Variants in AEBP1 observed in about 807,000 individuals in gnomAD.
AEBP1 encodes the protein AE binding protein 1, also known as adipocyte enhancer-binding protein 1.
A neutral mutation model predicts 116.5 loss-of-function variants in AEBP1; 69 were observed. The ratio of observed to expected loss-of-function variants is 0.59; its 90% CI spans 0.49 to 0.72. AEBP1 has a LOEUF of 0.72. Among genes scored for constraint, AEBP1 ranks in the 30% least tolerant of loss-of-function variants. AEBP1 has a pLI of 0.00. For missense variants in AEBP1, 1,444 were observed against 1,557.5 expected, an observed-to-expected ratio of 0.93 and a Z score of 1.23; for synonymous variants, 627 against 627.3, an observed-to-expected ratio of 1.00 and a Z score of 0.01.
chr7:44,114,406 G>A lies in AEBP1; in HGVS notation c.*145G>A. 1 of 919,102 alleles carries A rather than the reference G, an allele frequency of 1.1e-6. No individual in the cohort carries two copies. The highest frequency in any genetic ancestry group is 1.6e-6 in the Non-Finnish European group (1 of 614,254). The allele number at this position is 919,102 out of a possible 1,614,324, so 56.9% of individuals were successfully genotyped here. On this transcript the variant is annotated 3_prime_UTR_variant, in exon 21 of 21. Coordinates refer to ENST00000223357, the MANE Select transcript of AEBP1 (RefSeq NM_001129.5). ...AAGGAAGGGCTGGTCCTGCCCCTTT[G>A]AGGGGGTGCAAACATGACTGGGACC... is the stretch of plus-strand genomic sequence containing the variant.
chr7:44,111,289 C>T lies in AEBP1; in HGVS notation c.1716+50C>T, dbSNP rs201743601. On this transcript the variant is annotated intron_variant, in intron 14 of 20. Coordinates refer to ENST00000223357, the MANE Select transcript of AEBP1 (RefSeq NM_001129.5). This position sits in a 1 kb window ranked among gnomAD's most constrained non-coding sequence, Gnocchi z 4.7. ...GGGGGTGGGACCTGTCTGTGGCTGA[C>T]GGGAGTGTGTGCCTGGTGCTTCTGT... The T allele has an allele frequency of 1.2e-5, 18 of 1,477,352 alleles. No individual in the cohort carries two copies. Among genetic ancestry groups the T allele is most frequent in the East Asian group, 7.1e-5 (3 of 42,302 alleles). 91.5% of individuals were successfully genotyped at this position (1,477,352 alleles called of 1,614,324 possible).
At position 44,112,669 on chromosome 7, in the gene AEBP1, C is replaced by T. The variant is rs779817458; in HGVS notation, c.2329C>T (p.Arg777Cys). The T allele has an allele frequency of 1.2e-6, 2 of 1,613,074 alleles. No individual in the cohort carries two copies. Among genetic ancestry groups the T allele is most frequent in the South Asian group, 1.1e-5 (1 of 91,084 alleles). Residue 777 changes from arginine (R) to cysteine (C), a missense_variant, in exon 18 of 21, where the codon CGC becomes TGC. Arg to Cys is a radical substitution (Grantham distance 180, BLOSUM62 -3). Coordinates refer to ENST00000223357, the MANE Select transcript of AEBP1 (RefSeq NM_001129.5). This position sits in a 1 kb window ranked among gnomAD's most constrained non-coding sequence, Gnocchi z 6.6. The part of the protein sequence containing the change: ...RLVSYPYDMA[R>C]TPTQEQLLAA... ...AGTATCCTACCCCTACGATATGGCC[C>T]GCACGCCTACCCAGGAGCAGCTGCT... is the stretch of plus-strand genomic sequence containing the variant.
chr7:44,111,178 A>C lies in AEBP1; in HGVS notation c.1655A>C (p.Asn552Thr). 1 of 1,522,784 alleles carries C rather than the reference A, an allele frequency of 6.6e-7. No individual in the cohort carries two copies. The highest frequency in any genetic ancestry group is 2.3e-5 in the East Asian group (1 of 43,958). The allele number at this position is 1,522,784 out of a possible 1,614,324, so 94.3% of individuals were successfully genotyped here. A position where few individuals can be genotyped will look rare whatever the true frequency, so the allele number is the denominator to read the frequency against. Residue 552 changes from asparagine (N) to threonine (T), a missense_variant, in exon 14 of 21, where the codon AAT (asparagine) becomes ACT (threonine). By Grantham distance (65) the Asn-to-Thr change is moderately conservative (BLOSUM62 0). Coordinates refer to ENST00000223357, the MANE Select transcript of AEBP1 (RefSeq NM_001129.5). The surrounding 1 kb of genome is among the most constrained non-coding windows in gnomAD (Gnocchi z 4.7). ...GCTGTCTACAGCTACTACGCACAGA[A>C]TGAGGTGGTGGCCACCGATGACCTG... is the stretch of plus-strand genomic sequence containing the variant. The part of the protein sequence containing the change: ...VAPVYSYYAQ[N>T]EVVATDDLDF...
intron 9 of AEBP1, 103 bp downstream of exon 9, chr7:44,109,444 C>G (rs148838437): frequency 4.6e-6 from 6 of 1,293,698 alleles, no homozygotes; most frequent in African/African-American, 1.5e-5. Flanking sequence ...TCCCCGGAAC[C>G]CTTTCCTACT....
At position 44,104,544 on chromosome 7, in the gene AEBP1, C is replaced by A; in HGVS notation, c.-122C>A. The A allele has an allele frequency of 1.6e-6, 1 of 630,882 alleles. No homozygotes were observed. The highest frequency in any genetic ancestry group is 2.5e-6 in the Non-Finnish European group (1 of 401,826). 39.1% of individuals were successfully genotyped at this position (630,882 alleles called of 1,614,324 possible). ...TCCCGGATTCCCTCGCTCACCCCATCCTCTCTCCCGCCCCTTCCTGGATTC... is the reference window on the plus strand; with the variant it reads ...TCCCGGATTCCCTCGCTCACCCCATACTCTCTCCCGCCCCTTCCTGGATTC... On this transcript the variant is annotated 5_prime_UTR_variant, in exon 1 of 21. Transcript: ENST00000223357.
rs376256606 is a variant in AEBP1, at chr7:44,108,426, A to T, written c.940+342A>T. 1.0e-3 allele frequency among the ~76,000 whole-genome samples: 154 copies of T among 151,118 alleles called. No individual in the cohort carries two copies. The highest frequency in any genetic ancestry group is 3.4e-3 in the Middle Eastern group (1 of 294). ...CCCGCTGGCTCGTGGCCACTGCCCC[A>T]CTCTCTTCAGGGAGCCCGAGGGCTT... On this transcript the variant is annotated intron_variant, in intron 6 of 20. Coordinates refer to ENST00000223357, the MANE Select transcript of AEBP1 (RefSeq NM_001129.5). This position sits in a 1 kb window ranked among gnomAD's most constrained non-coding sequence, Gnocchi z 5.0.
chr7:44,104,976 G>A (rs943369503), intron 1 of AEBP1, 58 bp downstream of exon 1: 8 of 1,384,650 alleles, frequency 5.8e-6, no homozygotes, highest in South Asian at 2.7e-5. Flanking sequence ...TGGGAACAGG[G>A]GGATTCGGTA....
At position 44,112,355 on chromosome 7, in the gene AEBP1, G is replaced by GA. The variant is rs751102751; in HGVS notation, c.2217+35dup. Reference sequence around the variant, plus strand: ...ACAGCCTGGCTGAAAGGGCAGGAGGGAGCAGCTGGACCCTGGGGTCCTGGT... The same window carrying GA: ...ACAGCCTGGCTGAAAGGGCAGGAGGGAAGCAGCTGGACCCTGGGGTCCTGGT... On this transcript the variant is annotated intron_variant, in intron 17 of 20. Transcript: ENST00000223357. The surrounding 1 kb of genome is among the most constrained non-coding windows in gnomAD (Gnocchi z 6.6). 1 of 1,518,720 alleles carries GA rather than the reference G, an allele frequency of 6.6e-7. No homozygotes were observed. The highest frequency in any genetic ancestry group is 8.8e-7 in the Non-Finnish European group (1 of 1,133,110). The allele number at this position is 1,518,720 out of a possible 1,614,324, so 94.1% of individuals were successfully genotyped here.
At position 44,112,171 on chromosome 7, in the gene AEBP1, A is replaced by T; in HGVS notation, c.2067A>T (p.Gly689=). Residue 689 remains glycine (G), a synonymous_variant, in exon 17 of 21, where the codon GGA becomes GGT. Coordinates refer to ENST00000223357, the MANE Select transcript of AEBP1 (RefSeq NM_001129.5). This position sits in a 1 kb window ranked among gnomAD's most constrained non-coding sequence, Gnocchi z 6.6. ...MGSEFGNWAL[G]LWTEEGFDIF... is the part of the protein sequence containing the mutation. The stretch of plus-strand genomic sequence containing the variant: ...CAGAGTTTGGGAACTGGGCGCTGGG[A>T]CTGTGGACTGAGGAGGGCTTTGACA... The T allele has an allele frequency of 6.2e-7, 1 of 1,605,426 alleles. No homozygotes were observed. The highest frequency in any genetic ancestry group is 8.5e-7 in the Non-Finnish European group (1 of 1,173,470).
Position 44,113,875 on chromosome 7 carries a change from GCA to G in AEBP1, c.3094_3095del (p.Gln1032AspfsTer52), listed in dbSNP as rs745679302. 2 of 1,613,520 alleles carry G rather than the reference GCA, an allele frequency of 1.2e-6. No individual in the cohort carries two copies. The highest frequency in any genetic ancestry group is 1.7e-6 in the Non-Finnish European group (2 of 1,179,984). ...RRLQHRLRLR[A>X]QMRLRRLNAT... ...CCTACAACACCGCCTGCGGCTTCGG[GCA>G]CAGATGCGGCTGCGGCGCCTCAACG... On this transcript the variant is annotated frameshift_variant, in exon 21 of 21. Transcript: ENST00000223357. LOFTEE classifies it low-confidence loss of function (END_TRUNC). This position sits in a 1 kb window ranked among gnomAD's most constrained non-coding sequence, Gnocchi z 5.3.
Position 44,107,632 on chromosome 7 carries a change from C to T in AEBP1, c.671C>T (p.Pro224Leu), listed in dbSNP as rs750288301. Residue 224 changes from proline (P) to leucine (L), a missense_variant, in exon 4 of 21, where the codon CCG (proline) becomes CTG (leucine). Transcript: ENST00000223357. The surrounding 1 kb of genome is among the most constrained non-coding windows in gnomAD (Gnocchi z 4.3). ...GCTACCAGCGCTTTCCCCTCAGAGC[C>T]GGAGGAGGAGACCGAGCAACCCACA... is the stretch of plus-strand genomic sequence containing the variant. ...HVEAREHQPE[P>L]EEETEQPTLD... 6.8e-6 allele frequency: 11 copies of T among 1,613,434 alleles called. No individual in the cohort carries two copies. Among genetic ancestry groups the T allele is most frequent in the South Asian group, 3.3e-5 (3 of 91,068 alleles).
chr7:44,112,729 G>T lies in AEBP1; in HGVS notation c.2389G>T (p.Glu797Ter). The T allele has an allele frequency of 1.9e-6, 3 of 1,613,272 alleles. No homozygotes were observed. The highest frequency in any genetic ancestry group is 2.5e-6 in the Non-Finnish European group (3 of 1,179,986). The change falls in exon 18 of 21, where the codon GAG becomes TAG. Residue 797 changes from glutamate to a stop codon, truncating the protein, a stop_gained. Coordinates refer to ENST00000223357, the MANE Select transcript of AEBP1 (RefSeq NM_001129.5). LOFTEE classifies it high-confidence loss of function. The surrounding 1 kb of genome is among the most constrained non-coding windows in gnomAD (Gnocchi z 6.6). ...AAMAAARGED[E>*]DEVSEAQETP... ...CATGGCAGCAGCCCGGGGGGAGGAT[G>T]AGGACGAGGTCTCCGAGGCCCAGGA... is the stretch of plus-strand genomic sequence containing the variant.
rs2096227328 is a variant in AEBP1 at position 44,110,011 on chromosome 7, T to C, written c.1151-4T>C. The C allele has an allele frequency of 6.2e-7, 1 of 1,611,438 alleles. No individual in the cohort carries two copies. Among genetic ancestry groups the C allele is most frequent in the African/African-American group, 1.3e-5 (1 of 74,904 alleles). On this transcript the variant is annotated splice_region_variant and splice_polypyrimidine_tract_variant and intron_variant, in intron 9 of 20. Coordinates refer to ENST00000223357, the MANE Select transcript of AEBP1 (RefSeq NM_001129.5). ...AGCCACCATTCTGGGGTACGCGTCCTCAGAGTGTCCCCCCATTGGGATGGA... is the reference window on the plus strand; with the variant it reads ...AGCCACCATTCTGGGGTACGCGTCCCCAGAGTGTCCCCCCATTGGGATGGA...
intron 1 of AEBP1, 112 bp from the exon 2 acceptor site, chr7:44,106,434 C>A: frequency 8.5e-7 from 1 of 1,172,444 alleles, no homozygotes; most frequent in Non-Finnish European, 1.2e-6. Context: ...TGCTGATCCG[C>A]ACTGGGAACT....
At position 44,108,239 on chromosome 7, in the gene AEBP1, C is replaced by T. The variant is rs1333113850; in HGVS notation, c.940+155C>T. Among the ~76,000 whole-genome samples, 1 of 152,110 alleles carries T rather than the reference C, an allele frequency of 6.6e-6. No homozygotes were observed. Among genetic ancestry groups the T allele is most frequent in the African/African-American group, 2.4e-5 (1 of 41,408 alleles). ...TCCCTGCTGTCCCTGCGTGCCCACCCCAGCCACTGCCCTGTCTCCTCTGCC... is the reference window on the plus strand; with the variant it reads ...TCCCTGCTGTCCCTGCGTGCCCACCTCAGCCACTGCCCTGTCTCCTCTGCC... On this transcript the variant is annotated intron_variant, in intron 6 of 20. Coordinates refer to ENST00000223357, the MANE Select transcript of AEBP1 (RefSeq NM_001129.5). This position sits in a 1 kb window ranked among gnomAD's most constrained non-coding sequence, Gnocchi z 5.0.
At chr7:44,106,453 T>C in intron 1 of AEBP1, 93 bp from the exon 2 acceptor site, 2 of 1,309,408 alleles carry the variant, frequency 1.5e-6, no homozygotes, top group Non-Finnish European at 2.1e-6. Flanking sequence ...CTGACAAGAG[T>C]CCCTGTGCCC....
chr7:44,109,490 A>C (rs2096226603), intron 9 of AEBP1, 149 bp downstream of exon 9: 1 of 941,538 alleles, frequency 1.1e-6, no homozygotes, highest in Non-Finnish European at 1.5e-6. Flanking sequence ...GGGCCCCGGG[A>C]GCCCAGGATA....
chr7:44,112,135 C>A lies in AEBP1; in HGVS notation c.2038-7C>A. The A allele has an allele frequency of 6.3e-7, 1 of 1,596,040 alleles. No individual in the cohort carries two copies. Among genetic ancestry groups the A allele is most frequent in the Non-Finnish European group, 8.6e-7 (1 of 1,166,826 alleles). On this transcript the variant is annotated splice_polypyrimidine_tract_variant and splice_region_variant and intron_variant, in intron 16 of 20. Coordinates refer to ENST00000223357, the MANE Select transcript of AEBP1 (RefSeq NM_001129.5). This position sits in a 1 kb window ranked among gnomAD's most constrained non-coding sequence, Gnocchi z 6.6. ...TAGCCGATGCCTACCCTGCTGGCTC[C>A]CCACAGGGCTCAGAGTTTGGGAACT...
At chr7:44,110,663 T>C in intron 11 of AEBP1, 62 bp from the exon 12 acceptor site, 3 of 1,401,180 alleles carry the variant, frequency 2.1e-6, no homozygotes, top group Non-Finnish European at 2.9e-6. Flanking sequence ...AGAGGGAGGC[T>C]CAGGCCACCT....
Sources: allele counts gnomAD v4.1 joint callset (sites outside exome capture counted in the v4.1 genomes callset), GRCh38; gene constraint gnomAD v4.1.1; non-coding constraint Gnocchi (gnomAD v3.1); transcripts MANE v1.5; gene names NCBI Gene and HGNC (gene_info 2026-07-23, HGNC 2026-07-21).